SPECC1: variants seen among roughly 807,000 people sequenced by gnomAD.
SPECC1 encodes the protein sperm antigen with calponin homology and coiled-coil domains 1, also known as cytospin-B.
In SPECC1, 62 loss-of-function variants were observed where a neutral mutation model predicts 104.1. The ratio of observed to expected loss-of-function variants is 0.60; its 90% confidence interval spans 0.49 to 0.74. The LOEUF is 0.74. Ranked by LOEUF, SPECC1 falls within the 30% of genes least tolerant of loss-of-function variation. The pLI is 0.00. For missense variants in SPECC1, 1,306 were observed against 1,310.5 expected, an observed-to-expected ratio of 1.00 and a Z score of 0.05; for synonymous variants, 513 against 501.6, an observed-to-expected ratio of 1.02 and a Z score of -0.30.
rs537766530 is a variant in SPECC1, at chr17:20,051,009, G to C, written c.-22+41585G>C. 1.7e-4 allele frequency among the ~76,000 whole-genome samples: 26 copies of C among 152,200 alleles called. 1 individual carries two copies. The highest frequency in any genetic ancestry group is 1.0e-3 in the South Asian group (5 of 4,820). On this transcript the variant is annotated intron_variant, in intron 1 of 14. Coordinates refer to ENST00000395527, the MANE Select transcript of SPECC1 (RefSeq NM_001243439.2). ...CTGCTTTACTGAAAATAGCGTGCAT[G>C]GAAAAACATAGCATAGTAGGTCCCA...
intron 3 of SPECC1, among the ~76,000 whole-genome samples, chr17:20,133,739 G>T (rs145541171): frequency 6.6e-6 from 1 of 152,292 alleles, no homozygotes; most frequent in African/African-American, 2.4e-5. Context: ...CTGGCAAAGT[G>T]TAAGAATGTA....
At chr17:20,148,633 C>T (rs1167483537) in intron 3 of SPECC1, among the ~76,000 whole-genome samples, 5 of 151,524 alleles carry the variant, frequency 3.3e-5, no homozygotes, top group Admixed American at 6.6e-5. Flanking sequence ...TCAATCAGTG[C>T]CTTGAGGTAT....
At chr17:20,107,469 T>C (rs200269509) in intron 2 of SPECC1, among the ~76,000 whole-genome samples, 160 of 150,004 alleles carry the variant, frequency 1.1e-3, no homozygotes, top group African/African-American at 3.5e-3. Flanking sequence ...TTTCTTTTTT[T>C]TTTTTTTTTG....
At chr17:20,302,793 A>G (rs915141669) in intron 13 of SPECC1, among the ~76,000 whole-genome samples, 3 of 142,662 alleles carry the variant, frequency 2.1e-5, no homozygotes, top group African/African-American at 7.7e-5. Flanking sequence ...TTGTGGCAAC[A>G]TGCCTGTAAT....
chr17:20,082,993 C>CGTTT (rs2047040420), intron 1 of SPECC1, among the ~76,000 whole-genome samples: 1 of 151,752 alleles, frequency 6.6e-6, no homozygotes, highest in Admixed American at 6.6e-5. Flanking sequence ...TTCGTTCGTT[C>CGTTT]GTTCGTTCGT....
chr17:20,231,223 G>C (rs1207449391), intron 5 of SPECC1, among the ~76,000 whole-genome samples: 2 of 152,196 alleles, frequency 1.3e-5, no homozygotes, highest in Admixed American at 1.3e-4. Flanking sequence ...GCCTCCAGGT[G>C]TCTGGAGTGT....
At chr17:20,269,205 A>G (rs576664773) in intron 12 of SPECC1, among the ~76,000 whole-genome samples, 2 of 152,372 alleles carry the variant, frequency 1.3e-5, no homozygotes, top group East Asian at 3.9e-4. Flanking sequence ...TCTCTTTAGC[A>G]AGGCTGCTTG....
intron 7 of SPECC1, among the ~76,000 whole-genome samples, chr17:20,243,546 T>C (rs928459138): frequency 6.6e-6 from 1 of 152,122 alleles, no homozygotes; most frequent in Admixed American, 6.5e-5. Context: ...TGTGAATCCC[T>C]CTCACATACA....
Position 20,015,211 on chromosome 17 carries a change from C to T in SPECC1, c.-22+5787C>T, listed in dbSNP as rs1048897688. On this transcript the variant is annotated intron_variant, in intron 1 of 14. Coordinates refer to ENST00000395527, the MANE Select transcript of SPECC1 (RefSeq NM_001243439.2). ...TTTTCTGCTTCTGGAATTATTCTTA[C>T]TTGGGAATTAGAATATCTTGATTTA... is the stretch of plus-strand genomic sequence containing the variant. Among the ~76,000 whole-genome samples, 4 of 152,064 alleles carry T rather than the reference C, an allele frequency of 2.6e-5. No homozygotes were observed. In the East Asian group the frequency reaches 7.7e-4, roughly 29 times the overall value.
At chr17:20,249,898 G>A (rs966241166) in intron 9 of SPECC1, among the ~76,000 whole-genome samples, 20 of 152,102 alleles carry the variant, frequency 1.3e-4, no homozygotes, top group Admixed American at 1.2e-3. Context: ...AAGGGATAAT[G>A]ATCAAGAATT....
chr17:20,055,765 G>T (rs1248433779), intron 1 of SPECC1, among the ~76,000 whole-genome samples: 1 of 152,216 alleles, frequency 6.6e-6, no homozygotes, highest in East Asian at 1.9e-4. Flanking sequence ...TGAAGGCTTT[G>T]CTGGTTGTTG....
Position 20,257,523 on chromosome 17 carries a change from T to G in SPECC1, c.2753T>G (p.Leu918Arg). The G allele has an allele frequency of 6.2e-7, 1 of 1,613,388 alleles. No homozygotes were observed. ...HLRKSPSLES[L>R]SRPPSLGFGD... ...CGCAAGAGTCCCTCACTAGAGTCAC[T>G]GAGCAGACCCCCGTCTCTGGGCTTT... Residue 918 changes from leucine (L) to arginine (R), a missense_variant, in exon 11 of 15, where the codon CTG becomes CGG. By Grantham distance (102) the Leu-to-Arg change is moderately radical. Around this residue, in one of 2 missense-constraint regions of SPECC1, gnomAD observed 1,177 missense variants for 1,139.9 expected, o/e 1.03. Transcript: ENST00000395527.
At chr17:20,300,543 C>T (rs1370203676) in intron 13 of SPECC1, among the ~76,000 whole-genome samples, 2 of 152,262 alleles carry the variant, frequency 1.3e-5, no homozygotes, top group Non-Finnish European at 2.9e-5. Flanking sequence ...GACAGACTGG[C>T]TGCTTTGTCC....
chr17:20,093,040 C>T (rs1014675504), intron 1 of SPECC1, among the ~76,000 whole-genome samples: 3 of 152,218 alleles, frequency 2.0e-5, no homozygotes, highest in African/African-American at 4.8e-5. Context: ...GTTGCTTAAC[C>T]TCCCTTGGGG....
chr17:20,049,907 T>C (rs1330402733), intron 1 of SPECC1, among the ~76,000 whole-genome samples: 2 of 152,194 alleles, frequency 1.3e-5, no homozygotes, highest in Non-Finnish European at 2.9e-5. Flanking sequence ...AACCTGTGCC[T>C]CCCAGATTAA....
At chr17:20,259,839 C>A (rs2039963533) in intron 11 of SPECC1, among the ~76,000 whole-genome samples, 1 of 152,072 alleles carries the variant, frequency 6.6e-6, no homozygotes, top group Non-Finnish European at 1.5e-5. Context: ...TATTTAGGTA[C>A]TGGTTTAGTC....
At chr17:20,100,505 C>T (rs1461985001) in intron 2 of SPECC1, among the ~76,000 whole-genome samples, 1 of 152,092 alleles carries the variant, frequency 6.6e-6, no homozygotes, top group Non-Finnish European at 1.5e-5. Flanking sequence ...CCACCTAGGT[C>T]CTACAGTTAG....
intron 3 of SPECC1, among the ~76,000 whole-genome samples, chr17:20,139,872 C>T (rs1194447823): frequency 1.3e-5 from 2 of 152,078 alleles, no homozygotes; most frequent in African/African-American, 4.8e-5. Context: ...GACGGGGTTT[C>T]GCTATGTTGG....
At chr17:20,246,766 A>G (rs1026403509) in intron 8 of SPECC1, among the ~76,000 whole-genome samples, 2 of 152,252 alleles carry the variant, frequency 1.3e-5, no homozygotes, top group Non-Finnish European at 1.5e-5. Flanking sequence ...GAGTGCAACA[A>G]ACATGCCATT....
Sources: allele counts gnomAD v4.1 joint callset (sites outside exome capture counted in the v4.1 genomes callset), GRCh38; gene constraint gnomAD v4.1.1; regional missense constraint gnomAD v4.1.1; transcripts MANE v1.5; gene names NCBI Gene and HGNC (gene_info 2026-07-23, HGNC 2026-07-21).